Variants in CD109 observed in about 807,000 individuals in gnomAD.
CD109 encodes CD109 antigen.
Under a neutral mutation model 165.8 loss-of-function variants are expected in CD109, and 149 were observed. The ratio of observed to expected loss-of-function variants is 0.90; its 90% CI spans 0.79 to 1.03. CD109 has a LOEUF of 1.03. CD109 is among the 50% of genes least tolerant of loss of function. The probability of loss-of-function intolerance (pLI) is 0.00; values close to 1 mark genes in which losing one functional copy is unlikely to be tolerated. For synonymous variants in CD109, 585 were observed against 592.1 expected, an observed-to-expected ratio of 0.99 and a Z score of 0.18; for missense variants, 1,712 against 1,677.8, an observed-to-expected ratio of 1.02 and a Z score of -0.36.
the CD109 span, among the ~76,000 whole-genome samples, chr6:73,684,000 A>G: frequency 1.3e-5 from 2 of 152,306 alleles, no homozygotes; most frequent in African/African-American, 2.4e-5. Context: ...CAGCCAAACC[A>G]TATCACTATT....
At chr6:73,752,263 T>C (rs1773220386) in intron 5 of CD109, among the ~76,000 whole-genome samples, 1 of 152,232 alleles carries the variant, frequency 6.6e-6, no homozygotes, top group African/African-American at 2.4e-5. Flanking sequence ...TAATATGCTA[T>C]ATTTCTTCAA....
At chr6:73,763,719 G>A in intron 10 of CD109, 34 bp downstream of exon 10, 3 of 1,090,650 alleles carry the variant, frequency 2.8e-6, no homozygotes, top group Non-Finnish European at 4.0e-6. Flanking sequence ...GTCCATAGCA[G>A]TAAGTTCAGC....
intron 2 of CD109, among the ~76,000 whole-genome samples, chr6:73,706,090 A>G (rs1771256166): frequency 6.6e-6 from 1 of 152,222 alleles, no homozygotes; most frequent in Non-Finnish European, 1.5e-5. Flanking sequence ...AGAAAGAAAG[A>G]AATAGAAGAG....
At chr6:73,705,667 A>G (rs1189985031) in intron 2 of CD109, among the ~76,000 whole-genome samples, 2 of 152,180 alleles carry the variant, frequency 1.3e-5, no homozygotes, top group African/African-American at 4.8e-5. Context: ...AGAATAGACA[A>G]CGAGCAATCA....
At chr6:73,690,922 T>C (rs186179573), upstream of CD109, among the ~76,000 whole-genome samples, 5 of 152,324 alleles carry the variant, frequency 3.3e-5, no homozygotes, top group East Asian at 7.7e-4. Flanking sequence ...GTGGTAAGAC[T>C]GTAGCAGATT....
chr6:73,809,546 A>G (rs1480196785), intron 26 of CD109, among the ~76,000 whole-genome samples: 1 of 152,166 alleles, frequency 6.6e-6, no homozygotes, highest in Non-Finnish European at 1.5e-5. Flanking sequence ...ATTTACAAGT[A>G]TATAGGTTGA....
intron 5 of CD109, among the ~76,000 whole-genome samples, chr6:73,741,584 A>G (rs1388287823): frequency 6.6e-6 from 1 of 152,218 alleles, no homozygotes; most frequent in Non-Finnish European, 1.5e-5. Context: ...TTTGCAATAT[A>G]GTTCTCTAGG....
At chr6:73,782,896 A>T in intron 18 of CD109, 141 bp downstream of exon 18, 2 of 650,992 alleles carry the variant, frequency 3.1e-6, no homozygotes, top group Non-Finnish European at 4.9e-6. Flanking sequence ...TTAGGAAATG[A>T]TATTTATTGA....
chr6:73,812,245 AT>A lies in CD109; in HGVS notation c.3744del (p.Asn1248LysfsTer16). 6.2e-7 allele frequency: 1 copy of A among 1,609,696 alleles called. No individual in the cohort carries two copies. The highest frequency in any genetic ancestry group is 1.1e-5 in the South Asian group (1 of 90,196). ...VQPTAVNISA[N>X]GFGFAICQLN... is the part of the protein sequence containing the mutation. ...CCAACGGCAGTTAATATTTCCGCAAATGGTTTTGGATTTGCTATTTGTCAGG... is the reference window on the plus strand; with the variant it reads ...CCAACGGCAGTTAATATTTCCGCAAAGGTTTTGGATTTGCTATTTGTCAGG... On this transcript the variant is annotated frameshift_variant, in exon 29 of 33. Coordinates refer to ENST00000287097, the MANE Select transcript of CD109 (RefSeq NM_133493.5). LOFTEE classifies it high-confidence loss of function.
At chr6:73,729,623 C>G (rs1218314475) in intron 3 of CD109, among the ~76,000 whole-genome samples, 1 of 151,932 alleles carries the variant, frequency 6.6e-6, no homozygotes, top group Non-Finnish European at 1.5e-5. Flanking sequence ...AGCGATTCTC[C>G]TGCCTCAGCC....
At position 73,766,174 on chromosome 6, in the gene CD109, A is replaced by G. The variant is rs574390533; in HGVS notation, c.1332+20A>G. 7 of 1,574,388 alleles carry G rather than the reference A, an allele frequency of 4.4e-6. No individual in the cohort carries two copies. Among genetic ancestry groups the G allele is most frequent in the Non-Finnish European group, 4.4e-6 (5 of 1,144,476 alleles). ...TTGAAGGTGCCGTCTGTTTCCCATC[A>G]TTGTGTCACTGCAACAACACCATTA... On this transcript the variant is annotated intron_variant, in intron 11 of 32. Transcript: ENST00000287097.
intron 22 of CD109, among the ~76,000 whole-genome samples, chr6:73,788,860 G>A (rs1774804901): frequency 6.6e-6 from 1 of 152,178 alleles, no homozygotes; most frequent in Non-Finnish European, 1.5e-5. Flanking sequence ...GGTTTAGTAG[G>A]TCTGGAGTGG....
rs555778255 is a variant in CD109, at chr6:73,712,141, G to A, written c.248-11110G>A. Among the ~76,000 whole-genome samples, 8 of 152,290 alleles carry A rather than the reference G, an allele frequency of 5.3e-5. No individual in the cohort carries two copies. In the South Asian group the frequency reaches 6.2e-4, roughly 12 times the overall value. ...GGAGGATTGCTTGAACCTGGAAAGC[G>A]GAGGTTGTAGTGAGCCGAGATCATG... On this transcript the variant is annotated intron_variant, in intron 2 of 32. Coordinates refer to ENST00000287097, the MANE Select transcript of CD109 (RefSeq NM_133493.5).
Position 73,790,026 on chromosome 6 carries a change from C to T in CD109, c.2701+1414C>T, listed in dbSNP as rs141333028. On this transcript the variant is annotated intron_variant, in intron 22 of 32. Transcript: ENST00000287097. ...CTGGGATTACAGGTGTGAGCCATGG[C>T]ACTCAGCCTTTCTTAGCAATTTGGA... Among the ~76,000 whole-genome samples the T allele has an allele frequency of 1.2e-3, 179 of 151,088 alleles. 2 individuals are homozygous for T. The highest frequency in any genetic ancestry group is 2.7e-4 in the African/African-American group (11 of 41,094).
At chr6:73,784,287 G>A (rs145286193) in intron 19 of CD109, among the ~76,000 whole-genome samples, 54 of 129,382 alleles carry the variant, frequency 4.2e-4, no homozygotes, top group African/African-American at 1.5e-3. Context: ...ATGACCATGA[G>A]TGGCCTGAAT....
At chr6:73,803,942 A>G (rs1405114524) in intron 24 of CD109, 1 of 152,258 alleles carries the variant, frequency 6.6e-6, no homozygotes, top group African/African-American at 2.4e-5. Flanking sequence ...TTTCTTGTTC[A>G]TGCTGCCTTT....
chr6:73,732,439 A>G lies in CD109; in HGVS notation c.507+1865A>G, dbSNP rs181139528. Reference sequence around the variant, plus strand: ...AGAGTTTGCCTTTGGTATGTAATGGAATGTTTATAAAGCAGGTTGACATAG... The same window carrying G: ...AGAGTTTGCCTTTGGTATGTAATGGGATGTTTATAAAGCAGGTTGACATAG... On this transcript the variant is annotated intron_variant, in intron 4 of 32. Transcript: ENST00000287097. 1.3e-3 allele frequency among the ~76,000 whole-genome samples: 204 copies of G among 152,288 alleles called. 4 individuals carry two copies. The highest frequency in any genetic ancestry group is 3.4e-4 in the Non-Finnish European group (23 of 68,024).
chr6:73,725,792 C>T lies in CD109; in HGVS notation c.276+2513C>T, dbSNP rs570566950. Among the ~76,000 whole-genome samples the T allele has an allele frequency of 3.3e-4, 50 of 152,252 alleles. No homozygotes were observed. The South Asian group carries it at 9.1e-3, about 28-fold the overall frequency. On this transcript the variant is annotated intron_variant, in intron 3 of 32. Coordinates refer to ENST00000287097, the MANE Select transcript of CD109 (RefSeq NM_133493.5). Reference sequence around the variant, plus strand: ...CCTCCCAAAGTCCTGGGATTACAGGCGCAAGCCACTGCGCCCAGCCTACTA... The same window carrying T: ...CCTCCCAAAGTCCTGGGATTACAGGTGCAAGCCACTGCGCCCAGCCTACTA...
chr6:73,753,834 C>T (rs1241924137), intron 5 of CD109, among the ~76,000 whole-genome samples: 1 of 152,164 alleles, frequency 6.6e-6, no homozygotes, highest in Non-Finnish European at 1.5e-5. Context: ...GAGATGCTGC[C>T]TGATAACTGA....
Sources: gnomAD v4.1 joint callset for allele counts (sites outside exome capture counted in the v4.1 genomes callset) on GRCh38, gnomAD v4.1.1 for gene constraint, MANE v1.5 for transcripts, NCBI Gene and HGNC (gene_info 2026-07-23, HGNC 2026-07-21) for gene names.